CACNA1E: variants seen among roughly 807,000 people sequenced by gnomAD.
CACNA1E encodes calcium voltage-gated channel subunit alpha1 E.
CACNA1E carries 40 observed loss-of-function variants against 259.2 expected under a neutral mutation model. The observed-to-expected ratio is 0.15, with a 90% CI of 0.12 to 0.20. The LOEUF is 0.20. Among genes scored for constraint, CACNA1E ranks in the 10% least tolerant of loss-of-function variants. The pLI is 1.00. For synonymous variants in CACNA1E, 1,104 were observed against 1,138.5 expected, an observed-to-expected ratio of 0.97 and a Z score of 0.61; for missense variants, 1,874 against 3,040.1, an observed-to-expected ratio of 0.62 and a Z score of 9.02.
At chr1:181,777,569 A>G (rs1207644986) in intron 38 of CACNA1E, among the ~76,000 whole-genome samples, 1 of 152,234 alleles carries the variant, frequency 6.6e-6, no homozygotes, top group East Asian at 1.9e-4. Context: ...AATAGATCTT[A>G]GAAAGCAATG....
chr1:181,674,833 G>A (rs1649210805), intron 7 of CACNA1E, among the ~76,000 whole-genome samples: 2 of 152,176 alleles, frequency 1.3e-5, no homozygotes, highest in Admixed American at 1.3e-4. Flanking sequence ...TTCACCTGCA[G>A]GTGCCAGCTC....
chr1:181,666,579 T>C (rs1026148010), intron 7 of CACNA1E, among the ~76,000 whole-genome samples: 3 of 152,112 alleles, frequency 2.0e-5, no homozygotes, highest in African/African-American at 7.2e-5. Context: ...AATGTAAATG[T>C]ATAAGAGTAG....
chr1:181,722,526 C>A (rs1473900404), intron 16 of CACNA1E, among the ~76,000 whole-genome samples: 1 of 152,218 alleles, frequency 6.6e-6, no homozygotes, highest in Non-Finnish European at 1.5e-5. Context: ...ATCCCAGCAA[C>A]TCTGTGTATC....
intron 17 of CACNA1E, among the ~76,000 whole-genome samples, chr1:181,725,323 A>G (rs909089878): frequency 9.9e-5 from 15 of 152,194 alleles, no homozygotes; most frequent in African/African-American, 3.6e-4. Flanking sequence ...CACACCTGCC[A>G]TTGGCTGTGT....
intron 27 of CACNA1E, 34 bp downstream of exon 27, chr1:181,752,273 C>G (rs779756798): frequency 1.4e-6 from 2 of 1,455,434 alleles, no homozygotes; most frequent in South Asian, 1.1e-5. Context: ...CATCAAATCC[C>G]CTTCTCCCAT....
intron 3 of CACNA1E, among the ~76,000 whole-genome samples, chr1:181,527,334 G>A (rs1480706520): frequency 6.6e-6 from 1 of 152,222 alleles, no homozygotes; most frequent in East Asian, 1.9e-4. Context: ...TATAAGAGCA[G>A]AGTCCTCATG....
At chr1:181,599,757 A>T (rs912258142) in intron 6 of CACNA1E, among the ~76,000 whole-genome samples, 1 of 152,248 alleles carries the variant, frequency 6.6e-6, no homozygotes, top group African/African-American at 2.4e-5. Context: ...GGATCAAGCT[A>T]TCAGCAGGGA....
intron 43 of CACNA1E, among the ~76,000 whole-genome samples, chr1:181,789,804 G>A (rs1336784282): frequency 6.6e-6 from 1 of 152,122 alleles, no homozygotes; most frequent in Non-Finnish European, 1.5e-5. Flanking sequence ...AAACAACTGG[G>A]CAGACTTTGT....
chr1:181,414,865 C>G (rs370084323), intron 2 of CACNA1E, among the ~76,000 whole-genome samples: 1 of 152,222 alleles, frequency 6.6e-6, no homozygotes, highest in African/African-American at 2.4e-5. Context: ...ACCATGATGG[C>G]ACAGTGCCTT....
chr1:181,525,717 T>C (rs1667302201), intron 3 of CACNA1E, among the ~76,000 whole-genome samples: 2 of 152,238 alleles, frequency 1.3e-5, no homozygotes, highest in South Asian at 2.1e-4. Context: ...AGTTATGAAC[T>C]GTGTGCAACT....
At chr1:181,742,713 A>G (rs777707080) in intron 25 of CACNA1E, among the ~76,000 whole-genome samples, 4 of 152,132 alleles carry the variant, frequency 2.6e-5, no homozygotes, top group Non-Finnish European at 4.4e-5. Flanking sequence ...ATTCTCAAAC[A>G]AAGCTGTGGT....
chr1:181,774,109 T>A (rs1212782788), intron 37 of CACNA1E, among the ~76,000 whole-genome samples: 1 of 152,218 alleles, frequency 6.6e-6, no homozygotes, highest in Non-Finnish European at 1.5e-5. Flanking sequence ...TGAAGGGTGA[T>A]GGTAATTAAA....
Position 181,796,693 on chromosome 1 carries a change from AG to A in CACNA1E, c.6239del (p.Gly2080AlafsTer59). 6.2e-7 allele frequency: 1 copy of A among 1,605,436 alleles called. No homozygotes were observed. The highest frequency in any genetic ancestry group is 8.5e-7 in the Non-Finnish European group (1 of 1,174,098). On this transcript the variant is annotated frameshift_variant, in exon 47 of 48. Coordinates refer to ENST00000367573, the MANE Select transcript of CACNA1E (RefSeq NM_001205293.3). LOFTEE classifies it high-confidence loss of function. The part of the protein sequence containing the change: ...SGHKSDTHRS[G>X]GRERGRSKER... ...GCCACAAGTCTGACACTCACCGCTCAGGGGGCAGGGAGCGGGGACGATCAAA... is the reference window on the plus strand; with the variant it reads ...GCCACAAGTCTGACACTCACCGCTCAGGGGCAGGGAGCGGGGACGATCAAA...
Position 181,808,008 on chromosome 1 carries a change from C to T in CACNA1E, c.*9174C>T, listed in dbSNP as rs1572944370. ...TGATGATTTCTGTTCTTGTTTTCTT[C>T]TAACCTAGAACTCAGGTCCACAGTT... On this transcript the variant is annotated 3_prime_UTR_variant, in exon 48 of 48. Coordinates refer to ENST00000367573, the MANE Select transcript of CACNA1E (RefSeq NM_001205293.3). 6.6e-6 allele frequency: 1 copy of T among 152,242 alleles called. No individual in the cohort carries two copies. The highest frequency in any genetic ancestry group is 3.4e-3 in the Middle Eastern group (1 of 294). The allele number at this position is 152,242 out of a possible 1,614,324, so 9.4% of individuals were successfully genotyped here.
intron 3 of CACNA1E, among the ~76,000 whole-genome samples, chr1:181,515,500 GTTA>G (rs1367014967): frequency 6.6e-6 from 1 of 152,160 alleles, no homozygotes; most frequent in African/African-American, 2.4e-5. Flanking sequence ...AAATGTGGAC[GTTA>G]TTATATTTTC....
chr1:181,590,401 CAAAAAAAAAAAA>C (rs397861970), intron 6 of CACNA1E, among the ~76,000 whole-genome samples: 1 of 118,622 alleles, frequency 8.4e-6, no homozygotes, highest in African/African-American at 3.2e-5. Context: ...GAGTCAATTA[CAAAAAAAAAAAA>C]AAAATATATA....
intron 3 of CACNA1E, among the ~76,000 whole-genome samples, chr1:181,519,405 G>A (rs544258975): frequency 6.6e-6 from 1 of 152,282 alleles, no homozygotes; most frequent in South Asian, 2.1e-4. Context: ...AATGAGTGCA[G>A]AGTGGTTACC....
At chr1:181,736,170 C>T in intron 21 of CACNA1E, 105 bp from the exon 22 acceptor site, 2 of 1,373,500 alleles carry the variant, frequency 1.5e-6, no homozygotes, top group African/African-American at 1.5e-5. Flanking sequence ...AGGGACATCC[C>T]TGGAGCCCTT....
chr1:181,778,701 G>A (rs1660165206), intron 38 of CACNA1E, among the ~76,000 whole-genome samples: 1 of 152,192 alleles, frequency 6.6e-6, no homozygotes, highest in Admixed American at 6.5e-5. Context: ...AAGATAGCTA[G>A]AATTCTGGCT....
Sources: allele counts gnomAD v4.1 joint callset (sites outside exome capture counted in the v4.1 genomes callset), GRCh38; gene constraint gnomAD v4.1.1; transcripts MANE v1.5; gene names NCBI Gene and HGNC (gene_info 2026-07-23, HGNC 2026-07-21).